The following PCDHGB3 variants were observed in gnomAD, a reference collection of about 807,000 sequenced individuals.
PCDHGB3 encodes the protein protocadherin gamma subfamily B, 3.
A neutral mutation model predicts 59.2 loss-of-function variants in PCDHGB3; 40 were observed. That is an observed-to-expected ratio of 0.68 (90% CI 0.52 to 0.88). The LOEUF is 0.88. PCDHGB3 is among the 40% of genes least tolerant of loss of function. The pLI is 0.00. For synonymous variants in PCDHGB3, 581 were observed against 503.6 expected (o/e 1.15, Z -2.06); for missense variants, 1,309 against 1,187.9 (o/e 1.10, Z -1.50).
chr5:141,486,456 C>G lies in PCDHGB3; in HGVS notation c.2416-8351C>G. ...AGCTATGACATCATGGTCACTGCTT[C>G]TGATGCTGGGAACCCTCCTCTCAGT... is the stretch of plus-strand genomic sequence containing the variant. On this transcript the variant is annotated intron_variant, in intron 1 of 3. Transcript: ENST00000576222. The surrounding 1 kb of genome is among the most constrained non-coding windows in gnomAD (Gnocchi z 5.0). The G allele has an allele frequency of 1.9e-6, 3 of 1,614,052 alleles. No homozygotes were observed. In the South Asian group the frequency reaches 3.3e-5, roughly 18 times the overall value.
chr5:141,399,387 CACAG>C, intron 1 of PCDHGB3: 4 of 1,614,028 alleles, frequency 2.5e-6, no homozygotes, highest in Non-Finnish European at 2.5e-6. Context: ...CCATCACAGC[CACAG>C]ACAGGGGCAA....
At chr5:141,381,826 C>T (rs867772225) in intron 1 of PCDHGB3, among the ~76,000 whole-genome samples, 29 of 74,288 alleles carry the variant, frequency 3.9e-4, no homozygotes, top group Admixed American at 9.7e-4. Flanking sequence ...CTTTCTTCTT[C>T]TTTTTTTTTT....
rs3749771 is a variant in PCDHGB3, at chr5:141,376,276, C to A, written c.2415+3467C>A. The A allele has an allele frequency of 5.9e-4, 946 of 1,614,240 alleles. 16 individuals are homozygous for A. The East Asian group carries it at 0.018, about 31-fold the overall frequency. The stretch of plus-strand genomic sequence containing the variant: ...GCCTGCTGCAGGCTTCGGGAGGTGG[C>A]TTAGCGAGCATGCCCGGCTCGCACT... On this transcript the variant is annotated intron_variant, in intron 1 of 3. Coordinates refer to ENST00000576222, the MANE Select transcript of PCDHGB3 (RefSeq NM_018924.5).
chr5:141,375,822 G>T, intron 1 of PCDHGB3: 6 of 1,614,140 alleles, frequency 3.7e-6, no homozygotes, highest in Non-Finnish European at 5.1e-6. Flanking sequence ...CTGGCGCCCC[G>T]CTCCGCAGAG....
At chr5:141,402,976 G>C in intron 1 of PCDHGB3, 5 of 1,608,120 alleles carry the variant, frequency 3.1e-6, no homozygotes, top group Non-Finnish European at 4.2e-6. Context: ...CCAAATGCCA[G>C]CTCCGCGGAA....
At position 141,486,415 on chromosome 5, in the gene PCDHGB3, T is replaced by C. The variant is rs745877804; in HGVS notation, c.2416-8392T>C. On this transcript the variant is annotated intron_variant, in intron 1 of 3. Transcript: ENST00000576222. The surrounding 1 kb of genome is among the most constrained non-coding windows in gnomAD (Gnocchi z 5.0). ...CCCTGGTGACTGCTGGACCCTTGGA[T>C]CGAGAGGCCAAATCTAGCTATGACA... 6.2e-7 allele frequency: 1 copy of C among 1,614,176 alleles called. No individual in the cohort carries two copies. The highest frequency in any genetic ancestry group is 8.5e-7 in the Non-Finnish European group (1 of 1,180,022).
chr5:141,409,328 T>A, intron 1 of PCDHGB3: 3 of 1,613,926 alleles, frequency 1.9e-6, no homozygotes, highest in Non-Finnish European at 2.5e-6. Context: ...GGATCTGGAT[T>A]TCGGAGGAAA....
chr5:141,427,787 C>T, intron 1 of PCDHGB3: 1 of 1,478,068 alleles, frequency 6.8e-7, no homozygotes, highest in Non-Finnish European at 9.4e-7. Flanking sequence ...CACTGTCGTC[C>T]TACGTGTCCG....
At chr5:141,434,843 G>C (rs1302739038) in intron 1 of PCDHGB3, among the ~76,000 whole-genome samples, 2 of 151,746 alleles carry the variant, frequency 1.3e-5, no homozygotes, top group African/African-American at 4.8e-5. Flanking sequence ...TTATAAAGCA[G>C]ACATCAATAA....
chr5:141,413,117 C>A, intron 1 of PCDHGB3: 1 of 1,509,120 alleles, frequency 6.6e-7, no homozygotes, highest in Non-Finnish European at 8.9e-7. Context: ...ACAAAGGAAC[C>A]GGTTGAAACA....
At chr5:141,379,275 A>C (rs1248743398) in intron 1 of PCDHGB3, 3 of 152,194 alleles carry the variant, frequency 2.0e-5, no homozygotes, top group African/African-American at 7.2e-5. Flanking sequence ...TTATAGATTT[A>C]TTTATTTCAA....
chr5:141,476,336 C>G lies in PCDHGB3; in HGVS notation c.2416-18471C>G, dbSNP rs1228900349. The G allele has an allele frequency of 2.5e-6, 4 of 1,614,008 alleles. No individual in the cohort carries two copies. The highest frequency in any genetic ancestry group is 2.2e-5 in the East Asian group (1 of 44,854). ...GTTCCGGGTGGTGTCTGGAGCTAGC[C>G]GAAGATTCTTTGAGGTGAACCGGGA... On this transcript the variant is annotated intron_variant, in intron 1 of 3. Coordinates refer to ENST00000576222, the MANE Select transcript of PCDHGB3 (RefSeq NM_018924.5). The surrounding 1 kb of genome is among the most constrained non-coding windows in gnomAD (Gnocchi z 7.6).
intron 1 of PCDHGB3, chr5:141,393,206 A>T: frequency 6.2e-7 from 1 of 1,613,588 alleles, no homozygotes; most frequent in East Asian, 2.2e-5. Context: ...ATAATAACCC[A>T]AAATTCCAGG....
intron 1 of PCDHGB3, chr5:141,405,303 G>C: frequency 1.2e-6 from 2 of 1,614,230 alleles, no homozygotes; most frequent in African/African-American, 1.3e-5. Context: ...AGCCAGCAGA[G>C]CTGTGAGAAA....
chr5:141,384,524 T>C, intron 1 of PCDHGB3: 1 of 1,614,208 alleles, frequency 6.2e-7, no homozygotes. Context: ...GACCCGCCTC[T>C]CAGCAGCAAC....
At chr5:141,400,316 A>C in intron 1 of PCDHGB3, 1 of 1,614,042 alleles carries the variant, frequency 6.2e-7, no homozygotes. Flanking sequence ...CTCTGTGTCA[A>C]GTCTGGACCT....
At chr5:141,376,830 G>A (rs1343049579) in intron 1 of PCDHGB3, 1 of 266,580 alleles carries the variant, frequency 3.8e-6, no homozygotes, top group Non-Finnish European at 7.1e-6. Flanking sequence ...GGGACTACAG[G>A]CGCCCGCCAC....
At chr5:141,472,994 A>AAAG (rs2099310386) in intron 1 of PCDHGB3, among the ~76,000 whole-genome samples, 1 of 151,692 alleles carries the variant, frequency 6.6e-6, no homozygotes, top group Non-Finnish European at 1.5e-5. Flanking sequence ...AAAAAAAAAA[A>AAAG]AAAGAAAGAA....
chr5:141,400,793 C>T, intron 1 of PCDHGB3: 2 of 561,880 alleles, frequency 3.6e-6, no homozygotes, highest in Admixed American at 3.5e-5. Context: ...TGTCCTCTTT[C>T]TCAAAGCTAA....
Sources: allele counts gnomAD v4.1 joint callset (sites outside exome capture counted in the v4.1 genomes callset), GRCh38; gene constraint gnomAD v4.1.1; non-coding constraint Gnocchi (gnomAD v3.1); transcripts MANE v1.5; gene names NCBI Gene and HGNC (gene_info 2026-07-23, HGNC 2026-07-21).